VWA3B: variants seen among roughly 807,000 people sequenced by gnomAD.
VWA3B encodes von Willebrand factor A domain-containing protein 3B.
In VWA3B, 138 loss-of-function variants were observed where a neutral mutation model predicts 158.3. That is an observed-to-expected ratio of 0.87 (90% confidence interval 0.76 to 1.00). The LOEUF is 1.00. VWA3B is among the 50% of genes least tolerant of loss of function. The pLI is 0.00. For synonymous variants in VWA3B, 596 were observed against 587.3 expected, an observed-to-expected ratio of 1.01 and a Z score of -0.21; for missense variants, 1,555 against 1,565.1, an observed-to-expected ratio of 0.99 and a Z score of 0.11.
At chr2:98,178,695 G>A (rs1680220471) in intron 8 of VWA3B, among the ~76,000 whole-genome samples, 1 of 152,178 alleles carries the variant, frequency 6.6e-6, no homozygotes, top group Admixed American at 6.5e-5. Context: ...CAATACAGTT[G>A]CCTGGGGAGC....
At position 98,109,225 on chromosome 2, in the gene VWA3B, C is replaced by T. The variant is rs570373905; in HGVS notation, c.197-6427C>T. Among the ~76,000 whole-genome samples the T allele has an allele frequency of 5.3e-5, 8 of 152,182 alleles. No individual in the cohort carries two copies. The East Asian group carries it at 9.7e-4, about 18-fold the overall frequency. Reference sequence around the variant, plus strand: ...CAGGCTGGTCTTGAACTCCTGACCTCGGGTGATCTGACAACCTTGGCCTCC... The same window carrying T: ...CAGGCTGGTCTTGAACTCCTGACCTTGGGTGATCTGACAACCTTGGCCTCC... On this transcript the variant is annotated intron_variant, in intron 2 of 27. Transcript: ENST00000477737.
chr2:98,321,035 A>G, the VWA3B span, among the ~76,000 whole-genome samples: 2 of 152,208 alleles, frequency 1.3e-5, no homozygotes, highest in African/African-American at 4.8e-5. Flanking sequence ...GCCTTCAAAC[A>G]GGGTGCTCTG....
At chr2:98,142,615 C>T (rs896523125) in intron 7 of VWA3B, among the ~76,000 whole-genome samples, 2 of 152,122 alleles carry the variant, frequency 1.3e-5, no homozygotes, top group Non-Finnish European at 2.9e-5. Flanking sequence ...AGATGATCCT[C>T]GCAGAATATG....
At chr2:98,157,387 C>G (rs1252953406) in intron 7 of VWA3B, among the ~76,000 whole-genome samples, 1 of 152,164 alleles carries the variant, frequency 6.6e-6, no homozygotes, top group Non-Finnish European at 1.5e-5. Context: ...CTGGATCAAG[C>G]TAGCAGGTGT....
At chr2:98,202,529 T>C (rs1199363904) in intron 12 of VWA3B, among the ~76,000 whole-genome samples, 1 of 152,140 alleles carries the variant, frequency 6.6e-6, no homozygotes, top group Non-Finnish European at 1.5e-5. Context: ...TTTATTATTT[T>C]TCTCCTCCTA....
chr2:98,256,614 G>A (rs1016321852), intron 21 of VWA3B, among the ~76,000 whole-genome samples: 4 of 152,084 alleles, frequency 2.6e-5, no homozygotes, highest in Non-Finnish European at 4.4e-5. Flanking sequence ...GGTTGCTTCC[G>A]CTTTTTCGCT....
intron 12 of VWA3B, chr2:98,206,434 T>C (rs941308688): frequency 1.4e-5 from 4 of 289,374 alleles, no homozygotes; most frequent in Non-Finnish European, 2.9e-5. Context: ...ACCAGGCTGG[T>C]TTTTGTGGTG....
In VWA3B at chr2:98,256,654, T is replaced by C. The variant is rs143103670; in HGVS notation, c.2843+480T>C. Among the ~76,000 whole-genome samples the C allele has an allele frequency of 3.2e-3, 493 of 152,350 alleles. 2 individuals are homozygous for C. The highest frequency in any genetic ancestry group is 0.011 in the African/African-American group (459 of 41,562). On this transcript the variant is annotated intron_variant, in intron 21 of 27. Transcript: ENST00000477737. ...TGAACTATGTTGCTATATGCATTTG[T>C]GTAGAAGTTTCTTTGTGGACATATG...
chr2:98,268,490 G>A (rs1337876299), intron 21 of VWA3B, among the ~76,000 whole-genome samples: 1 of 151,966 alleles, frequency 6.6e-6, no homozygotes, highest in Non-Finnish European at 1.5e-5. Context: ...TTCACTTATT[G>A]TATTCTTCAG....
chr2:98,115,559 TTGAA>T (rs1674467690), intron 2 of VWA3B, 89 bp from the exon 3 acceptor site: 1 of 895,812 alleles, frequency 1.1e-6, no homozygotes, highest in Middle Eastern at 2.7e-4. Context: ...AAGATATAAT[TTGAA>T]TGGTGTCAGA....
At chr2:98,249,525 T>C (rs924216006) in intron 19 of VWA3B, among the ~76,000 whole-genome samples, 3 of 152,180 alleles carry the variant, frequency 2.0e-5, no homozygotes, top group African/African-American at 7.2e-5. Flanking sequence ...AAGCTAACAG[T>C]GAACTTTGAA....
At position 98,230,086 on chromosome 2, in the gene VWA3B, AG is replaced by A; in HGVS notation, c.2188del (p.Glu730LysfsTer18). On this transcript the variant is annotated frameshift_variant, in exon 16 of 28. Transcript: ENST00000477737. LOFTEE classifies it high-confidence loss of function. ...AAATCTGTTCTATGATTTCAACCCC[AG>A]AAAAGTGTGCAAAGCCTCAATCTGA... ...KEICSMISTP[E>X]KCAKPQSDVD... 6.2e-7 allele frequency: 1 copy of A among 1,601,816 alleles called. No homozygotes were observed. The highest frequency in any genetic ancestry group is 8.5e-7 in the Non-Finnish European group (1 of 1,177,146).
intron 22 of VWA3B, among the ~76,000 whole-genome samples, chr2:98,289,237 G>GCA (rs771103549): frequency 1.4e-4 from 22 of 152,170 alleles, no homozygotes; most frequent in Non-Finnish European, 3.1e-4. Flanking sequence ...ATCTATATAT[G>GCA]CATATATTTC....
chr2:98,280,467 C>T (rs1057370589), intron 22 of VWA3B, among the ~76,000 whole-genome samples: 18 of 152,284 alleles, frequency 1.2e-4, no homozygotes, highest in African/African-American at 3.9e-4. Flanking sequence ...CTCCACACCC[C>T]GGTGCTGCCC....
At chr2:98,258,412 G>A (rs1687284876) in intron 21 of VWA3B, among the ~76,000 whole-genome samples, 1 of 151,722 alleles carries the variant, frequency 6.6e-6, no homozygotes, top group South Asian at 2.1e-4. Context: ...AATTTTTGTA[G>A]GGATTATATT....
At chr2:98,153,199 T>C (rs1024375445) in intron 7 of VWA3B, among the ~76,000 whole-genome samples, 1 of 145,480 alleles carries the variant, frequency 6.9e-6, no homozygotes, top group Admixed American at 6.7e-5. Context: ...CTGCTCACTA[T>C]CATATTTTGC....
chr2:98,107,138 A>G (rs1329124065), intron 2 of VWA3B, among the ~76,000 whole-genome samples: 2 of 151,992 alleles, frequency 1.3e-5, no homozygotes, highest in Non-Finnish European at 2.9e-5. Context: ...ACTTTAATGG[A>G]TTATATTATT....
intron 7 of VWA3B, among the ~76,000 whole-genome samples, chr2:98,161,384 G>A (rs553837458): frequency 1.8e-4 from 27 of 152,302 alleles, no homozygotes; most frequent in Admixed American, 9.8e-4. Flanking sequence ...CTGTGGGGTG[G>A]GCCTTCTGGG....
At chr2:98,211,543 T>C (rs1186446014) in intron 12 of VWA3B, among the ~76,000 whole-genome samples, 1 of 152,254 alleles carries the variant, frequency 6.6e-6, no homozygotes, top group African/African-American at 2.4e-5. Flanking sequence ...TTGGGTATCA[T>C]GAATAAATCC....
Sources: allele counts gnomAD v4.1 joint callset (sites outside exome capture counted in the v4.1 genomes callset), GRCh38; gene constraint gnomAD v4.1.1; transcripts MANE v1.5; gene names NCBI Gene and HGNC (gene_info 2026-07-23, HGNC 2026-07-21).